DNAH10: variants seen among roughly 807,000 people sequenced by gnomAD.
DNAH10 encodes dynein axonemal heavy chain 10.
Under a neutral mutation model 506.6 loss-of-function variants are expected in DNAH10, and 348 were observed. That is an observed-to-expected ratio of 0.69 (90% confidence interval 0.63 to 0.75). The LOEUF (loss-of-function observed/expected upper bound fraction) is 0.75, where lower values mean the gene tolerates loss of function less well. Among genes scored for constraint, DNAH10 ranks in the 30% least tolerant of loss-of-function variants. DNAH10 has a pLI of 0.00. For missense variants in DNAH10, 5,179 were observed against 5,787.1 expected (o/e 0.89, Z 3.41); for synonymous variants, 2,059 against 2,198.6 (o/e 0.94, Z 1.78).
chr12:123,905,900 G>A (rs113767728), intron 57 of DNAH10, among the ~76,000 whole-genome samples: 3,009 of 151,638 alleles, frequency 0.02, 82 homozygotes, highest in African/African-American at 0.068. Context: ...TATGTGGCAG[G>A]TTTTAGCAAT....
chr12:123,890,415 T>A (rs893855405), intron 52 of DNAH10, among the ~76,000 whole-genome samples: 4 of 151,202 alleles, frequency 2.6e-5, no homozygotes, highest in Non-Finnish European at 5.9e-5. Flanking sequence ...GGACTACAGA[T>A]GCATCTCACC....
Position 123,873,540 on chromosome 12 carries a change from C to A in DNAH10, c.7786-18C>A. 2.5e-6 allele frequency: 4 copies of A among 1,587,204 alleles called. No individual in the cohort carries two copies. The highest frequency in any genetic ancestry group is 3.4e-6 in the Non-Finnish European group (4 of 1,167,254). ...TGGGGAAAAAGCTGGCTTTTCACAT[C>A]ATCTCTTTCTGCTTCAGATTGTGTT... On this transcript the variant is annotated intron_variant, in intron 45 of 78. Coordinates refer to ENST00000673944, the MANE Select transcript of DNAH10 (RefSeq NM_001372106.1).
At chr12:123,827,030 G>A in intron 25 of DNAH10, 132 bp downstream of exon 25, 3 of 722,580 alleles carry the variant, frequency 4.2e-6, no homozygotes, top group Non-Finnish European at 6.6e-6. Flanking sequence ...GGCTATACAT[G>A]GGCACGACAC....
Position 123,789,960 on chromosome 12 carries a change from G to A in DNAH10, c.1654G>A (p.Glu552Lys). Residue 552 changes from glutamate (E) to lysine (K), a missense_variant, in exon 11 of 79, where the codon GAA becomes AAA. Physicochemically the swap from Glu to Lys is moderately conservative, Grantham distance 56 (BLOSUM62 1). Around this residue, in one of 3 missense-constraint regions of DNAH10, gnomAD observed 4,844 missense variants for 5,430.5 expected, o/e 0.89. Coordinates refer to ENST00000673944, the MANE Select transcript of DNAH10 (RefSeq NM_001372106.1). ...GGAATTTTATAACATATTTGGTCCA[G>A]AACTAAAGGCAGTGACGGGGGACCC... ...LEEFYNIFGP[E>K]LKAVTGDPKR... 1 of 1,614,050 alleles carries A rather than the reference G, an allele frequency of 6.2e-7. No individual in the cohort carries two copies. The highest frequency in any genetic ancestry group is 8.5e-7 in the Non-Finnish European group (1 of 1,179,976).
At chr12:123,807,463 C>A (rs933813669) in intron 18 of DNAH10, among the ~76,000 whole-genome samples, 5 of 152,148 alleles carry the variant, frequency 3.3e-5, no homozygotes, top group Non-Finnish European at 7.3e-5. Context: ...GGAAATTCCA[C>A]ATTTTAGTAG....
rs1254542673 is a variant in DNAH10 at position 123,873,666 on chromosome 12, G to C, written c.7894G>C (p.Gly2632Arg). The change falls in exon 46 of 79, where the codon GGA becomes CGA. Residue 2632 changes from glycine (G) to arginine (R), a missense_variant. Physicochemically the swap from Gly to Arg is moderately radical, Grantham distance 125 (BLOSUM62 -2). Around this residue, in one of 3 missense-constraint regions of DNAH10, gnomAD observed 4,844 missense variants for 5,430.5 expected, o/e 0.89. Coordinates refer to ENST00000673944, the MANE Select transcript of DNAH10 (RefSeq NM_001372106.1). The stretch of plus-strand genomic sequence containing the variant: ...CAAAGATACTTACGGCCCACCCATG[G>C]GAAAACGCCTGCTGGTGTTCATGGA... ...RTKDTYGPPM[G>R]KRLLVFMDDM... 1 of 1,613,102 alleles carries C rather than the reference G, an allele frequency of 6.2e-7. No homozygotes were observed. The highest frequency in any genetic ancestry group is 1.1e-5 in the South Asian group (1 of 90,884).
chr12:123,823,652 A>G (rs1035206155), intron 24 of DNAH10, among the ~76,000 whole-genome samples: 2 of 152,244 alleles, frequency 1.3e-5, no homozygotes, highest in Admixed American at 6.5e-5. Flanking sequence ...AGGTGTCTAT[A>G]TGGGATACAT....
chr12:123,791,745 T>A (rs1050386824), intron 11 of DNAH10, among the ~76,000 whole-genome samples: 11 of 152,082 alleles, frequency 7.2e-5, no homozygotes, highest in African/African-American at 2.2e-4. Flanking sequence ...ATTTTTAAAA[T>A]TTTTAAGTAG....
At chr12:123,918,061 G>A (rs1369242442) in intron 64 of DNAH10, among the ~76,000 whole-genome samples, 1 of 152,202 alleles carries the variant, frequency 6.6e-6, no homozygotes. Flanking sequence ...AAGTCAAAAG[G>A]GAAGTTATCA....
rs1955029424 is a variant in DNAH10, at chr12:123,928,161, C to T, written c.12106-226C>T. 5.0e-6 allele frequency: 3 copies of T among 600,228 alleles called. No homozygotes were observed. The highest frequency in any genetic ancestry group is 8.8e-6 in the Non-Finnish European group (3 of 339,398). The allele number at this position is 600,228 out of a possible 1,614,324, so 37.2% of individuals were successfully genotyped here. On this transcript the variant is annotated intron_variant, in intron 69 of 78. Coordinates refer to ENST00000673944, the MANE Select transcript of DNAH10 (RefSeq NM_001372106.1). The surrounding 1 kb of genome is among the most constrained non-coding windows in gnomAD (Gnocchi z 4.9). ...GGCAGATGAGTGCAAAATGCTCACC[C>T]ATCTTCCAGGCTGGGTGTGACCAGC... is the stretch of plus-strand genomic sequence containing the variant.
chr12:123,874,879 G>T (rs1399440623), intron 46 of DNAH10, among the ~76,000 whole-genome samples: 1 of 151,016 alleles, frequency 6.6e-6, no homozygotes, highest in African/African-American at 2.4e-5. Flanking sequence ...CTGTCCATCT[G>T]CCCATCCATC....
At chr12:123,929,568 G>A (rs1446985171) in intron 71 of DNAH10, 84 bp downstream of exon 71, 1 of 1,569,414 alleles carries the variant, frequency 6.4e-7, no homozygotes, top group African/African-American at 1.4e-5. Context: ...AACCACAGCA[G>A]GGTTGCACCG....
intron 51 of DNAH10, among the ~76,000 whole-genome samples, chr12:123,883,900 C>T (rs1389158469): frequency 2.6e-5 from 4 of 152,120 alleles, no homozygotes; most frequent in Non-Finnish European, 5.9e-5. Flanking sequence ...CTGTATTCAG[C>T]CTCAGTTCTT....
At position 123,909,821 on chromosome 12, in the gene DNAH10, C is replaced by A. The variant is rs149301537; in HGVS notation, c.9997+379C>A. 4.2e-3 allele frequency among the ~76,000 whole-genome samples: 639 copies of A among 152,324 alleles called. 4 individuals are homozygous for A. The highest frequency in any genetic ancestry group is 0.015 in the African/African-American group (611 of 41,560). ...GAGCTAGTCTGACCTTGACTTCCCC[C>A]CTTTCTCCTCTTGTCAGTGTCAAGT... On this transcript the variant is annotated intron_variant, in intron 58 of 78. Coordinates refer to ENST00000673944, the MANE Select transcript of DNAH10 (RefSeq NM_001372106.1). This position sits in a 1 kb window ranked among gnomAD's most constrained non-coding sequence, Gnocchi z 5.4.
At chr12:123,774,464 G>A (rs1273713804) in intron 5 of DNAH10, among the ~76,000 whole-genome samples, 200 bp downstream of exon 5, 1 of 152,190 alleles carries the variant, frequency 6.6e-6, no homozygotes, top group African/African-American at 2.4e-5. Flanking sequence ...AAATATAAAG[G>A]TGTGAAGTGG....
rs375897216 is a variant in DNAH10 at position 123,909,226 on chromosome 12, G to T, written c.9816-35G>T. 7 of 1,603,552 alleles carry T rather than the reference G, an allele frequency of 4.4e-6. No homozygotes were observed. The highest frequency in any genetic ancestry group is 6.0e-6 in the Non-Finnish European group (7 of 1,175,724). On this transcript the variant is annotated intron_variant, in intron 57 of 78. Coordinates refer to ENST00000673944, the MANE Select transcript of DNAH10 (RefSeq NM_001372106.1). The surrounding 1 kb of genome is among the most constrained non-coding windows in gnomAD (Gnocchi z 5.4). ...TCAGGCCAGATCCTGGCCACATCCC[G>T]GGGTTGTGACCCACGTGCCTTGGTT...
chr12:123,847,855 A>G (rs1445942044), intron 32 of DNAH10, 106 bp from the exon 33 acceptor site: 3 of 1,424,788 alleles, frequency 2.1e-6, no homozygotes, highest in Non-Finnish European at 2.8e-6. Context: ...CAAACACCAC[A>G]TTCTTTCTCT....
At chr12:123,867,788 T>A in intron 42 of DNAH10, 115 bp from the exon 43 acceptor site, 1 of 1,328,074 alleles carries the variant, frequency 7.5e-7, no homozygotes, top group Non-Finnish European at 1.0e-6. Context: ...TGAACCAACA[T>A]GTTGGGTCTT....
At position 123,783,159 on chromosome 12, in the gene DNAH10, C is replaced by G. The variant is rs1170744047; in HGVS notation, c.894C>G (p.Asp298Glu). The G allele has an allele frequency of 1.9e-6, 3 of 1,614,192 alleles. No individual in the cohort carries two copies. The highest frequency in any genetic ancestry group is 1.7e-5 in the Admixed American group (1 of 60,024). ...PIISVEGEVS[D>E]LAADPETVDI... ...TCAGTGTGGAGGGAGAGGTGTCTGA[C>G]CTGGCAGCTGACCCGGAAACCGTTG... The change falls in exon 7 of 79, where the codon GAC becomes GAG. Residue 298 changes from aspartate (D) to glutamate (E), a missense_variant. Physicochemically the swap from Asp to Glu is conservative, Grantham distance 45. This residue lies in a region of DNAH10 where 4,844 missense variants were observed against 5,430.5 expected (regional missense o/e 0.89). Coordinates refer to ENST00000673944, the MANE Select transcript of DNAH10 (RefSeq NM_001372106.1).
Sources: gnomAD v4.1 joint callset for allele counts (sites outside exome capture counted in the v4.1 genomes callset) on GRCh38, gnomAD v4.1.1 for gene constraint, gnomAD v4.1.1 regional missense constraint, Gnocchi (gnomAD v3.1) non-coding constraint, MANE v1.5 for transcripts, NCBI Gene and HGNC (gene_info 2026-07-23, HGNC 2026-07-21) for gene names.